Variants in HUNK observed in about 807,000 individuals in gnomAD.
HUNK encodes the protein hormonally up-regulated neu tumor-associated kinase.
In HUNK, 21 loss-of-function variants were observed where a neutral mutation model predicts 61.0. That is an observed-to-expected ratio of 0.34 (90% CI 0.24 to 0.50). HUNK has a LOEUF of 0.50. Among genes scored for constraint, HUNK ranks in the 20% least tolerant of loss-of-function variants. The probability of loss-of-function intolerance (pLI) is 0.98; values close to 1 mark genes in which losing one functional copy is unlikely to be tolerated. For synonymous variants in HUNK, 371 were observed against 386.1 expected (o/e 0.96, Z 0.46); for missense variants, 772 against 945.7 (o/e 0.82, Z 2.41).
At chr21:31,915,986 T>A (rs1311078972) in intron 1 of HUNK, among the ~76,000 whole-genome samples, 2 of 149,076 alleles carry the variant, frequency 1.3e-5, no homozygotes, top group Non-Finnish European at 3.0e-5. Context: ...GTAATGATAA[T>A]AACAGCATCA....
intron 1 of HUNK, among the ~76,000 whole-genome samples, chr21:31,907,130 G>A (rs8133896): frequency 0.029 from 4,459 of 152,142 alleles, 240 homozygotes; most frequent in African/African-American, 0.1. Flanking sequence ...CTGAGATCTC[G>A]TCATTGCACT....
intron 1 of HUNK, among the ~76,000 whole-genome samples, chr21:31,875,809 T>C (rs919596231): frequency 9.2e-5 from 14 of 152,234 alleles, no homozygotes; most frequent in Non-Finnish European, 4.4e-5. Flanking sequence ...TGGCAAACAC[T>C]GCAAGTACAT....
At chr21:31,978,423 T>G (rs2053066040) in intron 7 of HUNK, among the ~76,000 whole-genome samples, 1 of 152,154 alleles carries the variant, frequency 6.6e-6, no homozygotes, top group Non-Finnish European at 1.5e-5. Flanking sequence ...TGTCTTAAAT[T>G]TTTTTCCTCC....
chr21:31,887,537 G>A (rs890637941), intron 1 of HUNK, among the ~76,000 whole-genome samples: 3 of 151,922 alleles, frequency 2.0e-5, no homozygotes, highest in Admixed American at 1.3e-4. Context: ...TCCTCTTTTT[G>A]AGTTCTTGTT....
chr21:31,915,530 G>A (rs903905588), intron 1 of HUNK, among the ~76,000 whole-genome samples: 5 of 152,126 alleles, frequency 3.3e-5, no homozygotes, highest in South Asian at 2.1e-4. Flanking sequence ...ATATTTCTGC[G>A]ATATTAAAGA....
intron 2 of HUNK, among the ~76,000 whole-genome samples, chr21:31,934,808 C>T (rs889942563): frequency 3.3e-5 from 5 of 152,150 alleles, no homozygotes; most frequent in Middle Eastern, 3.4e-3. Context: ...TGACTTCGAG[C>T]GGCATCCATG....
At chr21:31,987,017 C>T (rs1568942075) in intron 8 of HUNK, among the ~76,000 whole-genome samples, 1 of 152,148 alleles carries the variant, frequency 6.6e-6, no homozygotes, top group East Asian at 1.9e-4. Context: ...ACAATATTCC[C>T]AGAGGCCACA....
At chr21:31,904,398 A>G (rs2052490576) in intron 1 of HUNK, among the ~76,000 whole-genome samples, 1 of 152,184 alleles carries the variant, frequency 6.6e-6, no homozygotes, top group Non-Finnish European at 1.5e-5. Flanking sequence ...TAATGCAAAT[A>G]AAAAGATGGT....
intron 1 of HUNK, among the ~76,000 whole-genome samples, chr21:31,897,371 G>T (rs1438282009): frequency 6.6e-6 from 1 of 152,234 alleles, no homozygotes; most frequent in Non-Finnish European, 1.5e-5. Flanking sequence ...CCCTCCGAGG[G>T]CTGCAAGGAA....
chr21:31,963,074 C>T (rs1325209338), intron 5 of HUNK, among the ~76,000 whole-genome samples: 3 of 152,210 alleles, frequency 2.0e-5, no homozygotes, highest in Admixed American at 6.5e-5. Context: ...CTTTGCACCC[C>T]GCTAAGTTTA....
At chr21:31,913,142 G>A (rs1209320910) in intron 1 of HUNK, among the ~76,000 whole-genome samples, 1 of 152,180 alleles carries the variant, frequency 6.6e-6, no homozygotes, top group Admixed American at 6.5e-5. Flanking sequence ...TTCATGGAAA[G>A]TACAGTGGAG....
chr21:31,939,760 T>A (rs2052757619), intron 2 of HUNK, among the ~76,000 whole-genome samples: 1 of 151,018 alleles, frequency 6.6e-6, no homozygotes, highest in African/African-American at 2.4e-5. Flanking sequence ...AAATCTGATG[T>A]TGCTCATAGT....
rs192887351 is a variant in HUNK at position 31,930,590 on chromosome 21, G to A, written c.554+5830G>A. ...TTTTCTTTCTGAGCACGTATCCCAT[G>A]GTTACTTTTCTCTATCTGCCTTCTG... On this transcript the variant is annotated intron_variant, in intron 2 of 10. Transcript: ENST00000270112. Among the ~76,000 whole-genome samples, 543 of 152,336 alleles carry A rather than the reference G, an allele frequency of 3.6e-3. 2 individuals are homozygous for A. Among genetic ancestry groups the A allele is most frequent in the Non-Finnish European group, 6.1e-3 (414 of 68,036 alleles).
chr21:31,968,432 T>C, intron 6 of HUNK, 47 bp downstream of exon 6: 1 of 1,610,546 alleles, frequency 6.2e-7, no homozygotes, highest in Non-Finnish European at 8.5e-7. Context: ...ACGGGGCCTG[T>C]CCTACTAGCC....
At chr21:31,903,342 C>A (rs562784504) in intron 1 of HUNK, among the ~76,000 whole-genome samples, 2 of 152,012 alleles carry the variant, frequency 1.3e-5, no homozygotes, top group Admixed American at 6.6e-5. Context: ...AGAAATAATT[C>A]TTTTATTGAA....
Position 31,999,518 on chromosome 21 carries a change from A to T in HUNK, c.*334A>T. On this transcript the variant is annotated 3_prime_UTR_variant, in exon 11 of 11. Coordinates refer to ENST00000270112, the MANE Select transcript of HUNK (RefSeq NM_014586.2). ...GCCTTCTGGGGCACTCAGATTATGG[A>T]CTGTTACCAGATCTTTCTTCACGCT... 3.4e-6 allele frequency: 1 copy of T among 294,512 alleles called. No homozygotes were observed. The allele number at this position is 294,512 out of a possible 1,614,324, so 18.2% of individuals were successfully genotyped here. A position where few individuals can be genotyped will look rare whatever the true frequency, so the allele number is the denominator to read the frequency against.
intron 4 of HUNK, among the ~76,000 whole-genome samples, chr21:31,947,268 C>T (rs1263160043): frequency 4.3e-5 from 6 of 140,846 alleles, no homozygotes; most frequent in Admixed American, 1.4e-4. Context: ...GTGGCGCCTG[C>T]GCATTCCCAC....
At chr21:31,964,091 C>G (rs763234449) in intron 5 of HUNK, among the ~76,000 whole-genome samples, 2 of 152,110 alleles carry the variant, frequency 1.3e-5, no homozygotes, top group Admixed American at 6.5e-5. Flanking sequence ...AGACTGTTAC[C>G]TTTTCATCAC....
At position 31,893,997 on chromosome 21, in the gene HUNK, C is replaced by T. The variant is rs143481724; in HGVS notation, c.261+20062C>T. Among the ~76,000 whole-genome samples, 518 of 152,266 alleles carry T rather than the reference C, an allele frequency of 3.4e-3. 1 individual carries two copies. The highest frequency in any genetic ancestry group is 0.012 in the African/African-American group (489 of 41,546). ...CTTATTGCCAAAATCTCTGGGTTTC[C>T]AATTCCTGTGGTTTCTCCCTTCTTC... On this transcript the variant is annotated intron_variant, in intron 1 of 10. Transcript: ENST00000270112.
Sources: gnomAD v4.1 joint callset for allele counts (sites outside exome capture counted in the v4.1 genomes callset) on GRCh38, gnomAD v4.1.1 for gene constraint, MANE v1.5 for transcripts, NCBI Gene and HGNC (gene_info 2026-07-23, HGNC 2026-07-21) for gene names.